SDK1: variants seen among roughly 807,000 people sequenced by gnomAD.
SDK1 encodes sidekick cell adhesion molecule 1.
SDK1 carries 157 observed loss-of-function variants against 245.5 expected under a neutral mutation model. That is an observed-to-expected ratio of 0.64 (90% CI 0.56 to 0.73). SDK1 has a LOEUF of 0.73. Among genes scored for constraint, SDK1 ranks in the 30% least tolerant of loss-of-function variants. SDK1 has a pLI of 0.00. For synonymous variants in SDK1, 1,647 were observed against 1,278.5 expected, an observed-to-expected ratio of 1.29 and a Z score of -6.15; for missense variants, 3,583 against 3,002.3, an observed-to-expected ratio of 1.19 and a Z score of -4.52.
chr7:3,557,019 A>G (rs1017745816), intron 1 of SDK1, among the ~76,000 whole-genome samples: 3 of 141,626 alleles, frequency 2.1e-5, no homozygotes, highest in African/African-American at 7.5e-5. Flanking sequence ...AAGGTCTCAA[A>G]TCAATAATCT....
chr7:3,434,503 A>G (rs1779962118), intron 1 of SDK1, among the ~76,000 whole-genome samples: 1 of 152,172 alleles, frequency 6.6e-6, no homozygotes, highest in South Asian at 2.1e-4. Context: ...AACATTTATT[A>G]AGGATCTTGC....
chr7:3,799,177 T>C (rs577379049), intron 4 of SDK1, among the ~76,000 whole-genome samples: 53 of 152,332 alleles, frequency 3.5e-4, no homozygotes, highest in Middle Eastern at 3.4e-3. Context: ...TTGTTTCTTC[T>C]TATAAACTTC....
chr7:3,650,329 C>A (rs1259418626), intron 4 of SDK1, among the ~76,000 whole-genome samples: 2 of 152,192 alleles, frequency 1.3e-5, no homozygotes, highest in African/African-American at 4.8e-5. Flanking sequence ...TCTTGTGAAA[C>A]TCTGTACCCG....
Position 4,268,776 on chromosome 7 carries a change from A to T in SDK1, c.*3392A>T, listed in dbSNP as rs377678649. The T allele has an allele frequency of 2.9e-6, 4 of 1,363,808 alleles. No homozygotes were observed. The African/African-American group carries it at 5.9e-5, about 20-fold the overall frequency. 84.5% of individuals were successfully genotyped at this position (1,363,808 alleles called of 1,614,324 possible). A position where few individuals can be genotyped will look rare whatever the true frequency, so the allele number is the denominator to read the frequency against. On this transcript the variant is annotated 3_prime_UTR_variant, in exon 45 of 45. Transcript: ENST00000404826. ...CATGGATCCAGTCTGAAAGGTGAGG[A>T]CAACGTGGAAACTCATGAGCTGAGC...
chr7:3,604,671 T>C (rs2341588), intron 1 of SDK1, among the ~76,000 whole-genome samples: 96,084 of 146,538 alleles, frequency 0.66, 32,202 homozygotes, highest in African/African-American at 0.79. Flanking sequence ...GGTGTGATCT[T>C]GGCTCACTGC....
At chr7:3,626,981 A>C (rs1196956319) in intron 2 of SDK1, among the ~76,000 whole-genome samples, 1 of 151,838 alleles carries the variant, frequency 6.6e-6, no homozygotes, top group Non-Finnish European at 1.5e-5. Context: ...ACGCTGGAGT[A>C]CAGTGGCACA....
chr7:3,592,095 T>C lies in SDK1; in HGVS notation c.299-26985T>C, dbSNP rs377494189. On this transcript the variant is annotated intron_variant, in intron 1 of 44. Coordinates refer to ENST00000404826, the MANE Select transcript of SDK1 (RefSeq NM_152744.4). ...CTATCAGCTCTATTTTTGGAAGTAA[T>C]GGAGGAAGTATTTCAACCTGATTAC... Among the ~76,000 whole-genome samples the C allele has an allele frequency of 1.2e-4, 19 of 152,214 alleles. 1 individual carries two copies. The highest frequency in any genetic ancestry group is 6.5e-4 in the Admixed American group (10 of 15,284).
chr7:3,377,069 GCAAT>G, intron 1 of SDK1, among the ~76,000 whole-genome samples: 1 of 152,066 alleles, frequency 6.6e-6, no homozygotes, highest in Non-Finnish European at 1.5e-5. Context: ...GTTTATTTTG[GCAAT>G]TACTTTTGCA....
intron 5 of SDK1, among the ~76,000 whole-genome samples, chr7:3,931,652 T>A (rs1388117914): frequency 6.6e-6 from 1 of 152,228 alleles, no homozygotes; most frequent in Non-Finnish European, 1.5e-5. Flanking sequence ...TGATATTTGC[T>A]CAGCATCCCT....
chr7:3,739,306 G>A (rs923109091), intron 4 of SDK1, among the ~76,000 whole-genome samples: 3 of 152,090 alleles, frequency 2.0e-5, no homozygotes, highest in African/African-American at 7.2e-5. Context: ...TTTTTGAGCT[G>A]CTTACATATA....
At position 4,051,801 on chromosome 7, in the gene SDK1, C is replaced by T. The variant is rs756306161; in HGVS notation, c.2882C>T (p.Thr961Ile). The T allele has an allele frequency of 1.4e-5, 23 of 1,613,366 alleles. No individual in the cohort carries two copies. Among genetic ancestry groups the T allele is most frequent in the Non-Finnish European group, 1.9e-5 (22 of 1,179,728 alleles). ...FTTPGDGPPS[T>I]PQLVWTQEDK... ...ACCCCTGGGGACGGGCCTCCCAGCACACCTCAGCTGGTCTGGACTCAGGAA... is the reference window on the plus strand; with the variant it reads ...ACCCCTGGGGACGGGCCTCCCAGCATACCTCAGCTGGTCTGGACTCAGGAA... The change falls in exon 19 of 45, where the codon ACA (threonine) becomes ATA (isoleucine). Residue 961 changes from threonine (T) to isoleucine (I), a missense_variant. Physicochemically the swap from Thr to Ile is moderately conservative, Grantham distance 89. Coordinates refer to ENST00000404826, the MANE Select transcript of SDK1 (RefSeq NM_152744.4).
At chr7:3,526,022 G>A (rs1333920718) in intron 1 of SDK1, among the ~76,000 whole-genome samples, 1 of 152,072 alleles carries the variant, frequency 6.6e-6, no homozygotes, top group African/African-American at 2.4e-5. Context: ...ATCACCTGAG[G>A]TCGGGAGTTT....
chr7:4,107,043 C>T (rs979127275), intron 22 of SDK1, among the ~76,000 whole-genome samples: 1 of 151,108 alleles, frequency 6.6e-6, no homozygotes, highest in Non-Finnish European at 1.5e-5. Context: ...TAGGCAGAGC[C>T]CCCGCCCAGG....
intron 1 of SDK1, among the ~76,000 whole-genome samples, chr7:3,587,419 A>G (rs1282653824): frequency 6.6e-6 from 1 of 152,084 alleles, no homozygotes; most frequent in African/African-American, 2.4e-5. Flanking sequence ...AGACCCAGGC[A>G]AGCTGGTGGT....
At chr7:4,071,564 G>A (rs1192422488) in intron 20 of SDK1, among the ~76,000 whole-genome samples, 1 of 152,206 alleles carries the variant, frequency 6.6e-6, no homozygotes, top group Non-Finnish European at 1.5e-5. Flanking sequence ...AAGGCAGGGG[G>A]AACTGAGCAG....
chr7:3,738,408 C>A (rs78451353), intron 4 of SDK1, among the ~76,000 whole-genome samples: 3 of 152,126 alleles, frequency 2.0e-5, no homozygotes, highest in African/African-American at 7.2e-5. Flanking sequence ...GGTTTGTATG[C>A]CTCTCTCTGT....
At chr7:3,933,505 C>G (rs1206639048) in intron 5 of SDK1, among the ~76,000 whole-genome samples, 2 of 152,166 alleles carry the variant, frequency 1.3e-5, no homozygotes, top group Non-Finnish European at 2.9e-5. Flanking sequence ...CAGTTGTTTA[C>G]TGCTCCTCAT....
At chr7:3,381,948 T>A (rs551072218) in intron 1 of SDK1, among the ~76,000 whole-genome samples, 2 of 152,252 alleles carry the variant, frequency 1.3e-5, no homozygotes, top group Non-Finnish European at 2.9e-5. Context: ...AATAGAAGCA[T>A]AAATATGCAC....
chr7:3,584,107 T>A (rs1232214920), intron 1 of SDK1, among the ~76,000 whole-genome samples: 1 of 152,218 alleles, frequency 6.6e-6, no homozygotes, highest in East Asian at 1.9e-4. Flanking sequence ...TCCCTTAGTA[T>A]GTTTTTGCAA....
Sources: gnomAD v4.1 joint callset for allele counts (sites outside exome capture counted in the v4.1 genomes callset) on GRCh38, gnomAD v4.1.1 for gene constraint, MANE v1.5 for transcripts, NCBI Gene and HGNC (gene_info 2026-07-23, HGNC 2026-07-21) for gene names.